Variants in ATXN1 observed in about 807,000 individuals in gnomAD.
ATXN1 encodes the protein ataxin 1.
A neutral mutation model predicts 56.4 loss-of-function variants in ATXN1; 8 were observed. The ratio of observed to expected loss-of-function variants is 0.14; its 90% CI spans 0.08 to 0.26. The LOEUF (loss-of-function observed/expected upper bound fraction) is 0.26. ATXN1 is among the 10% of genes least tolerant of loss of function. ATXN1 has a pLI of 1.00. For missense variants in ATXN1, 987 were observed against 1,106.5 expected (o/e 0.89, Z 1.53); for synonymous variants, 514 against 494.6 (o/e 1.04, Z -0.52).
chr6:16,706,369 T>C (rs1759405920), intron 2 of ATXN1, among the ~76,000 whole-genome samples: 1 of 152,108 alleles, frequency 6.6e-6, no homozygotes, highest in South Asian at 2.1e-4. Flanking sequence ...GCAAGAAATC[T>C]TTGTTGAATT....
At chr6:16,443,749 T>A (rs1313283153) in intron 6 of ATXN1, among the ~76,000 whole-genome samples, 1 of 152,190 alleles carries the variant, frequency 6.6e-6, no homozygotes, top group Admixed American at 6.5e-5. Flanking sequence ...AAAATACTGA[T>A]GTAAAATGAA....
chr6:16,741,626 C>T (rs1291739836), intron 2 of ATXN1, among the ~76,000 whole-genome samples: 2 of 152,172 alleles, frequency 1.3e-5, no homozygotes, highest in Admixed American at 6.5e-5. Context: ...GTCATTTACA[C>T]ATATTAAAAA....
intron 6 of ATXN1, among the ~76,000 whole-genome samples, chr6:16,398,238 C>T (rs1758494588): frequency 6.6e-6 from 1 of 152,170 alleles, no homozygotes; most frequent in Admixed American, 6.5e-5. Flanking sequence ...AATTACATCC[C>T]CACTGCTGCA....
At chr6:16,465,183 C>G (rs1760079024) in intron 6 of ATXN1, among the ~76,000 whole-genome samples, 1 of 152,192 alleles carries the variant, frequency 6.6e-6, no homozygotes, top group South Asian at 2.1e-4. Flanking sequence ...GGTGCAACGG[C>G]TGGGTGTGGT....
chr6:16,562,806 T>C (rs1427873920), intron 4 of ATXN1, among the ~76,000 whole-genome samples: 1 of 152,042 alleles, frequency 6.6e-6, no homozygotes, highest in Non-Finnish European at 1.5e-5. Context: ...GGAAATTGCC[T>C]GAGGAGAACA....
chr6:16,522,198 G>A (rs991813955), intron 5 of ATXN1, among the ~76,000 whole-genome samples: 3 of 152,140 alleles, frequency 2.0e-5, no homozygotes, highest in African/African-American at 7.2e-5. Context: ...GCCTTTGCCA[G>A]ACAAGCTCTC....
At chr6:16,712,516 A>G (rs955900628) in intron 2 of ATXN1, among the ~76,000 whole-genome samples, 1 of 152,174 alleles carries the variant, frequency 6.6e-6, no homozygotes, top group African/African-American at 2.4e-5. Flanking sequence ...AGTGAACTGA[A>G]CGCAAGAAGT....
At chr6:16,574,110 TC>T (rs1229601598) in intron 4 of ATXN1, among the ~76,000 whole-genome samples, 2 of 152,256 alleles carry the variant, frequency 1.3e-5, no homozygotes, top group Non-Finnish European at 2.9e-5. Flanking sequence ...CACTGCAACC[TC>T]TGCCTTCCAG....
At chr6:16,512,265 A>G (rs950207674) in intron 5 of ATXN1, among the ~76,000 whole-genome samples, 13 of 152,372 alleles carry the variant, frequency 8.5e-5, no homozygotes, top group African/African-American at 3.1e-4. Context: ...GAGTATCCGT[A>G]AATAACTCCT....
intron 6 of ATXN1, among the ~76,000 whole-genome samples, chr6:16,389,172 AC>A (rs1327900645): frequency 5.3e-5 from 8 of 152,144 alleles, no homozygotes; most frequent in African/African-American, 1.9e-4. Context: ...CCTCGTCTGT[AC>A]TAAAAGTACA....
chr6:16,745,516 A>G (rs1281722482), intron 2 of ATXN1, among the ~76,000 whole-genome samples: 1 of 152,254 alleles, frequency 6.6e-6, no homozygotes, highest in African/African-American at 2.4e-5. Context: ...AAAACAACAC[A>G]TAAAAATGAA....
chr6:16,691,251 G>A (rs114401328), intron 2 of ATXN1, among the ~76,000 whole-genome samples: 2,011 of 152,332 alleles, frequency 0.013, 31 homozygotes, highest in Middle Eastern at 0.027. Context: ...CCTGAGGGGA[G>A]GAGCTCTGTC....
chr6:16,318,769 G>A (rs547826943), intron 7 of ATXN1, among the ~76,000 whole-genome samples: 1 of 152,306 alleles, frequency 6.6e-6, no homozygotes, highest in East Asian at 1.9e-4. Context: ...ATGGTAGCGT[G>A]GCTCACAGAG....
At chr6:16,364,139 C>G (rs1035925083) in intron 6 of ATXN1, among the ~76,000 whole-genome samples, 3 of 152,144 alleles carry the variant, frequency 2.0e-5, no homozygotes, top group Non-Finnish European at 4.4e-5. Context: ...AAGGACCCCC[C>G]ACTGTATTTT....
intron 6 of ATXN1, among the ~76,000 whole-genome samples, chr6:16,430,166 G>A (rs936488693): frequency 4.6e-5 from 7 of 151,988 alleles, no homozygotes; most frequent in Non-Finnish European, 8.8e-5. Flanking sequence ...GGAGGGAAAC[G>A]GCCACATCAG....
chr6:16,513,534 T>A (rs1046351747), intron 5 of ATXN1, among the ~76,000 whole-genome samples: 2 of 152,172 alleles, frequency 1.3e-5, no homozygotes, highest in African/African-American at 2.4e-5. Context: ...CCGGAAAAGA[T>A]AGAGGCTTCC....
intron 4 of ATXN1, among the ~76,000 whole-genome samples, chr6:16,558,776 A>G (rs1394977515): frequency 2.6e-5 from 4 of 152,234 alleles, no homozygotes; most frequent in Admixed American, 2.0e-4. Flanking sequence ...AAGCCAAAAA[A>G]TAAAAATCTG....
intron 2 of ATXN1, among the ~76,000 whole-genome samples, chr6:16,730,982 A>C (rs1207362601): frequency 6.6e-6 from 1 of 152,160 alleles, no homozygotes; most frequent in Non-Finnish European, 1.5e-5. Context: ...GACAAGATAG[A>C]AGGAAGAAGC....
intron 2 of ATXN1, among the ~76,000 whole-genome samples, chr6:16,701,486 G>A (rs1051500767): frequency 5.9e-5 from 9 of 152,212 alleles, no homozygotes; most frequent in Non-Finnish European, 1.0e-4. Context: ...TCTGGCCAGG[G>A]CAATCAGGCA....
Sources: allele counts gnomAD v4.1 joint callset (sites outside exome capture counted in the v4.1 genomes callset), GRCh38; gene constraint gnomAD v4.1.1; transcripts MANE v1.5; gene names NCBI Gene and HGNC (gene_info 2026-07-23, HGNC 2026-07-21).